The following INCENP variants were observed in gnomAD, a reference collection of about 807,000 sequenced individuals.
INCENP encodes the protein inner centromere protein.
Under a neutral mutation model 107.3 loss-of-function variants are expected in INCENP, and 43 were observed. The observed-to-expected ratio is 0.40, with a 90% CI of 0.31 to 0.52. The LOEUF is 0.52. Ranked by LOEUF, INCENP falls within the 20% of genes least tolerant of loss-of-function variation. The pLI, the probability that INCENP is intolerant of heterozygous loss-of-function variation, is 0.53. For missense variants in INCENP, 1,089 were observed against 1,250.9 expected, an observed-to-expected ratio of 0.87 and a Z score of 1.95; for synonymous variants, 488 against 494.4, an observed-to-expected ratio of 0.99 and a Z score of 0.17.
chr11:62,139,549 G>A (rs1417204732), intron 7 of INCENP, among the ~76,000 whole-genome samples: 4 of 152,214 alleles, frequency 2.6e-5, no homozygotes, highest in Non-Finnish European at 5.9e-5. Context: ...TCCTCTTTAC[G>A]ACGTGGTCAG....
rs1187232650 is a variant in INCENP, at chr11:62,130,432, C to T, written c.905C>T (p.Ser302Leu). ...ACGGGCTCTCGCACGGACTCTCAAT[C>T]GGTGCGGCACAGCCCGATCGCCCCG... ...TPTGSRTDSQ[S>L]VRHSPIAPSS... The change falls in exon 4 of 19, where the codon TCG becomes TTG. Residue 302 changes from serine to leucine, a missense_variant. By Grantham distance (145) the Ser-to-Leu change is moderately radical. Coordinates refer to ENST00000394818, the MANE Select transcript of INCENP (RefSeq NM_001040694.2). 2.5e-5 allele frequency: 41 copies of T among 1,613,802 alleles called. No homozygotes were observed. Among genetic ancestry groups the T allele is most frequent in the South Asian group, 4.4e-5 (4 of 91,094 alleles).
intron 18 of INCENP, 25 bp from the exon 19 acceptor site, chr11:62,151,737 G>A: frequency 6.2e-7 from 1 of 1,602,536 alleles, no homozygotes; most frequent in Non-Finnish European, 8.5e-7. Flanking sequence ...CCCCAAGGCA[G>A]TGTCTGGTCT....
chr11:62,133,320 A>G (rs564604956), intron 4 of INCENP, among the ~76,000 whole-genome samples: 2 of 152,198 alleles, frequency 1.3e-5, no homozygotes, highest in South Asian at 4.1e-4. Flanking sequence ...AGATAGGAAA[A>G]AAAGCCAGCA....
intron 10 of INCENP, 135 bp downstream of exon 10, chr11:62,141,179 G>A: frequency 1.6e-6 from 2 of 1,251,508 alleles, no homozygotes; most frequent in Non-Finnish European, 2.2e-6. Flanking sequence ...TTAGGGGCCG[G>A]TTGAAGCCTC....
intron 16 of INCENP, 26 bp downstream of exon 16, chr11:62,148,580 C>G: frequency 6.3e-7 from 1 of 1,587,168 alleles, no homozygotes; most frequent in Non-Finnish European, 8.6e-7. Context: ...TTGCGGGCTC[C>G]CCTGGGGTCT....
In INCENP at chr11:62,130,695, A is replaced by G. The variant is rs147977071; in HGVS notation, c.1063+105A>G. ...AGGAGCTGTCCAGAGAGCTTTCTGC[A>G]GTGAGGTAGATGTTACACATCTGTG... On this transcript the variant is annotated intron_variant, in intron 4 of 18. Transcript: ENST00000394818. 1,460 of 998,690 alleles carry G rather than the reference A, an allele frequency of 1.5e-3. 24 individuals carry two copies. The African/African-American group carries it at 0.022, about 15-fold the overall frequency. The allele number at this position is 998,690 out of a possible 1,614,324, so 61.9% of individuals were successfully genotyped here. A position where few individuals can be genotyped will look rare whatever the true frequency, so the allele number is the denominator to read the frequency against.
At chr11:62,132,585 G>C (rs1943914252) in intron 4 of INCENP, among the ~76,000 whole-genome samples, 4 of 152,306 alleles carry the variant, frequency 2.6e-5, no homozygotes, top group South Asian at 2.1e-4. Flanking sequence ...GGCTTCAAGC[G>C]GGGGCAGGTG....
chr11:62,143,965 G>T (rs1169522890), intron 11 of INCENP, among the ~76,000 whole-genome samples: 1 of 152,268 alleles, frequency 6.6e-6, no homozygotes, highest in African/African-American at 2.4e-5. Flanking sequence ...GACTTTCTGT[G>T]TCTGCCCAGG....
chr11:62,129,962 C>T lies in INCENP; in HGVS notation c.435C>T (p.Thr145=). 6.2e-7 allele frequency: 1 copy of T among 1,614,146 alleles called. No homozygotes were observed. Among genetic ancestry groups the T allele is most frequent in the Non-Finnish European group, 8.5e-7 (1 of 1,180,036 alleles). The change falls in exon 4 of 19, where the codon ACC becomes ACT. Residue 145 remains threonine, a synonymous_variant. Coordinates refer to ENST00000394818, the MANE Select transcript of INCENP (RefSeq NM_001040694.2). ...CATTGGCTGCACCTTCTTCACCCAC[C>T]CCTGAGTCTCCCACGATGCTGACTA... is the stretch of plus-strand genomic sequence containing the variant. ...TMALAAPSSP[T]PESPTMLTKK... is the part of the protein sequence containing the mutation.
chr11:62,129,499 G>T (rs879777914), intron 3 of INCENP, among the ~76,000 whole-genome samples: 2 of 152,208 alleles, frequency 1.3e-5, no homozygotes, highest in African/African-American at 4.8e-5. Flanking sequence ...GGGGCTCGGT[G>T]TGGTGTAACT....
chr11:62,135,516 G>A (rs1943974935), intron 4 of INCENP, among the ~76,000 whole-genome samples: 1 of 151,996 alleles, frequency 6.6e-6, no homozygotes, highest in African/African-American at 2.4e-5. Context: ...CGTCTGCCTC[G>A]GCTTCCCAAA....
At chr11:62,128,343 G>A in intron 2 of INCENP, 42 bp downstream of exon 2, 1 of 1,612,230 alleles carries the variant, frequency 6.2e-7, no homozygotes, top group Non-Finnish European at 8.5e-7. Context: ...ACCAGGGCCT[G>A]TCTGGGCTGC....
intron 11 of INCENP, among the ~76,000 whole-genome samples, chr11:62,142,794 C>T (rs1944151944): frequency 6.6e-6 from 1 of 152,188 alleles, no homozygotes; most frequent in African/African-American, 2.4e-5. Context: ...TGGGACTTGG[C>T]AGGTGGTCTG....
chr11:62,124,649 C>T (rs1943711513), intron 1 of INCENP, among the ~76,000 whole-genome samples: 2 of 152,220 alleles, frequency 1.3e-5, no homozygotes, highest in African/African-American at 4.8e-5. Context: ...TCTCATTCAG[C>T]TAACATGGGT....
At chr11:62,143,243 A>G (rs554226673) in intron 11 of INCENP, among the ~76,000 whole-genome samples, 2 of 148,680 alleles carry the variant, frequency 1.3e-5, no homozygotes, top group East Asian at 4.0e-4. Context: ...TGGTTGCCAT[A>G]GGACTGCTTG....
At chr11:62,130,723 G>A in intron 4 of INCENP, 133 bp downstream of exon 4, 1 of 739,262 alleles carries the variant, frequency 1.4e-6, no homozygotes, top group Non-Finnish European at 2.2e-6. Context: ...CATCTGTGCT[G>A]TCCTGGGATG....
intron 7 of INCENP, 136 bp from the exon 8 acceptor site, chr11:62,140,098 C>T: frequency 1.4e-6 from 1 of 720,144 alleles, no homozygotes; most frequent in Non-Finnish European, 2.4e-6. Flanking sequence ...TGCGTTTGGC[C>T]ACCCCGGAGC....
intron 11 of INCENP, among the ~76,000 whole-genome samples, chr11:62,142,107 C>T (rs1485874057): frequency 1.3e-5 from 2 of 152,314 alleles, no homozygotes; most frequent in East Asian, 3.9e-4. Context: ...TGAGCAAGGA[C>T]CCTCAGATGG....
chr11:62,133,095 G>A (rs1943922737), intron 4 of INCENP, among the ~76,000 whole-genome samples: 1 of 152,176 alleles, frequency 6.6e-6, no homozygotes, highest in Non-Finnish European at 1.5e-5. Context: ...TGACAGGGGA[G>A]GAGGCTTCCT....
Sources: gnomAD v4.1 joint callset for allele counts (sites outside exome capture counted in the v4.1 genomes callset) on GRCh38, gnomAD v4.1.1 for gene constraint, MANE v1.5 for transcripts, NCBI Gene and HGNC (gene_info 2026-07-23, HGNC 2026-07-21) for gene names.